The following CNTN5 variants were observed in gnomAD, a reference collection of about 807,000 sequenced individuals.
CNTN5 encodes contactin-5.
In CNTN5, 77 loss-of-function variants were observed where a neutral mutation model predicts 129.1. That is an observed-to-expected ratio of 0.60 (90% CI 0.50 to 0.72). CNTN5 has a LOEUF of 0.72. CNTN5 is among the 30% of genes least tolerant of loss of function. The pLI, the probability that CNTN5 is intolerant of heterozygous loss-of-function variation, is 0.00. For synonymous variants in CNTN5, 509 were observed against 465.6 expected, an observed-to-expected ratio of 1.09 and a Z score of -1.20; for missense variants, 1,478 against 1,328.8, an observed-to-expected ratio of 1.11 and a Z score of -1.75.
chr11:100,348,444 C>T (rs1316005520), intron 23 of CNTN5, among the ~76,000 whole-genome samples: 3 of 151,920 alleles, frequency 2.0e-5, no homozygotes, highest in Admixed American at 6.6e-5. Flanking sequence ...ATTTTTTCCC[C>T]GTCTTTACCT....
chr11:99,496,268 A>G (rs1946221352), intron 2 of CNTN5, among the ~76,000 whole-genome samples: 1 of 152,052 alleles, frequency 6.6e-6, no homozygotes, highest in African/African-American at 2.4e-5. Flanking sequence ...ACCCATGAAA[A>G]ATGATTTATT....
intron 2 of CNTN5, among the ~76,000 whole-genome samples, chr11:99,504,986 T>C (rs566189033): frequency 1.3e-5 from 2 of 152,246 alleles, no homozygotes; most frequent in East Asian, 3.9e-4. Flanking sequence ...CTTTGAATAT[T>C]TTGCAGCCAC....
rs141288502 is a variant in CNTN5, at chr11:99,267,920, GCACACACACA to G, written c.-209-57397_-209-57388del. Among the ~76,000 whole-genome samples the G allele has an allele frequency of 1.6e-3, 221 of 140,540 alleles. 2 individuals are homozygous for G. The highest frequency in any genetic ancestry group is 4.7e-3 in the African/African-American group (184 of 38,922). 92.2% of individuals were successfully genotyped at this position (140,540 alleles called of 152,430 possible). On this transcript the variant is annotated intron_variant, in intron 1 of 24. Transcript: ENST00000524871. ...CTATCAAGTAAACACACACACACACGCACACACACACACACACACACACACACACACACAC... is the reference window on the plus strand; with the variant it reads ...CTATCAAGTAAACACACACACACACGCACACACACACACACACACACACAC...
chr11:99,640,734 A>G (rs688426), intron 3 of CNTN5, among the ~76,000 whole-genome samples: 91,465 of 152,110 alleles, frequency 0.6, 28,338 homozygotes, highest in Admixed American at 0.69. Flanking sequence ...CCTATAGTCT[A>G]AGTATGTAGT....
At chr11:99,814,825 G>A (rs1362252737) in intron 3 of CNTN5, among the ~76,000 whole-genome samples, 1 of 152,082 alleles carries the variant, frequency 6.6e-6, no homozygotes, top group African/African-American at 2.4e-5. Context: ...TCTCCAAACT[G>A]AGTGATTATA....
At position 100,327,702 on chromosome 11, in the gene CNTN5, G is replaced by A. The variant is rs559457361; in HGVS notation, c.2731-12761G>A. ...ATTCTCAGTTGGCCCTAGGCACAGT[G>A]TTTGGTAAATAACACTGAGTCAAAA... On this transcript the variant is annotated intron_variant, in intron 21 of 24. Coordinates refer to ENST00000524871, the MANE Select transcript of CNTN5 (RefSeq NM_014361.4). Among the ~76,000 whole-genome samples, 3 of 152,272 alleles carry A rather than the reference G, an allele frequency of 2.0e-5. No individual in the cohort carries two copies. The South Asian group carries it at 6.2e-4, about 32-fold the overall frequency.
Position 100,193,905 on chromosome 11 carries a change from CTTTG to C in CNTN5, c.1884+246_1884+249del, listed in dbSNP as rs529972795. Among the ~76,000 whole-genome samples, 202 of 151,878 alleles carry C rather than the reference CTTTG, an allele frequency of 1.3e-3. 1 individual carries two copies. Among genetic ancestry groups the C allele is most frequent in the African/African-American group, 4.5e-3 (186 of 41,514 alleles). On this transcript the variant is annotated intron_variant, in intron 15 of 24. Transcript: ENST00000524871. ...TATTTAAATCTGGTTTCTTTGCCAC[CTTTG>C]TTTAATATTTACACAATACTTCTCA...
chr11:99,625,063 G>C (rs1174989155), intron 3 of CNTN5, among the ~76,000 whole-genome samples: 1 of 152,118 alleles, frequency 6.6e-6, no homozygotes, highest in Non-Finnish European at 1.5e-5. Flanking sequence ...TTGGACACAT[G>C]GCAGAAGAGT....
At chr11:99,815,153 A>G (rs1180554643) in intron 3 of CNTN5, among the ~76,000 whole-genome samples, 2 of 151,372 alleles carry the variant, frequency 1.3e-5, no homozygotes, top group African/African-American at 4.8e-5. Context: ...ACAAAGTCTA[A>G]CCATATTAAA....
At chr11:99,703,321 A>G (rs1954608551) in intron 3 of CNTN5, among the ~76,000 whole-genome samples, 2 of 148,968 alleles carry the variant, frequency 1.3e-5, no homozygotes, top group Admixed American at 1.3e-4. Flanking sequence ...AATTATCTAG[A>G]GGTTGAGTTT....
intron 13 of CNTN5, among the ~76,000 whole-genome samples, chr11:100,074,746 G>T (rs1944058561): frequency 6.6e-6 from 1 of 152,050 alleles, no homozygotes; most frequent in Admixed American, 6.6e-5. Flanking sequence ...TTTTATCCAG[G>T]TCATATTTAG....
intron 24 of CNTN5, among the ~76,000 whole-genome samples, chr11:100,354,749 T>C: frequency 6.6e-6 from 1 of 151,688 alleles, no homozygotes; most frequent in East Asian, 1.9e-4. Flanking sequence ...AGCCTATTGC[T>C]CCTAGGCTGT....
At position 99,030,627 on chromosome 11, in the gene CNTN5, T is replaced by A. The variant is rs12277205; in HGVS notation, c.-210+9357T>A. ...CACATAATGTCTTTTGAATCCTGTG[T>A]GATAACAAAATAGTACAGAATACAT... On this transcript the variant is annotated intron_variant, in intron 1 of 24. Coordinates refer to ENST00000524871, the MANE Select transcript of CNTN5 (RefSeq NM_014361.4). Among the ~76,000 whole-genome samples, 1,289 of 152,268 alleles carry A rather than the reference T, an allele frequency of 8.5e-3. 19 individuals are homozygous for A. The highest frequency in any genetic ancestry group is 0.029 in the African/African-American group (1,222 of 41,552).
Position 99,580,635 on chromosome 11 carries a change from T to G in CNTN5, c.55+24366T>G, listed in dbSNP as rs557082554. Among the ~76,000 whole-genome samples the G allele has an allele frequency of 9.8e-5, 15 of 152,342 alleles. No homozygotes were observed. The South Asian group carries it at 2.7e-3, about 27-fold the overall frequency. ...ATTTGCGTAGACGTGTTTATAGTAT[T>G]CTCTGATGGTAGTTTGTAGTTCTGT... On this transcript the variant is annotated intron_variant, in intron 3 of 24. Transcript: ENST00000524871.
At chr11:100,084,735 C>A (rs1555002397) in intron 13 of CNTN5, among the ~76,000 whole-genome samples, 1 of 151,994 alleles carries the variant, frequency 6.6e-6, no homozygotes, top group Non-Finnish European at 1.5e-5. Flanking sequence ...AATACCTATA[C>A]ATTTTAAGAT....
chr11:99,714,195 C>T (rs374760035), intron 3 of CNTN5, among the ~76,000 whole-genome samples: 1 of 151,792 alleles, frequency 6.6e-6, no homozygotes, highest in South Asian at 2.1e-4. Context: ...ATTTCATTAA[C>T]ATTTATAGAA....
At chr11:99,655,417 C>A (rs1408298220) in intron 3 of CNTN5, among the ~76,000 whole-genome samples, 1 of 152,034 alleles carries the variant, frequency 6.6e-6, no homozygotes, top group Non-Finnish European at 1.5e-5. Context: ...GAGGACAATT[C>A]CAGTTCTATA....
rs189494333 is a variant in CNTN5 at position 99,217,946 on chromosome 11, G to A, written c.-209-107400G>A. On this transcript the variant is annotated intron_variant, in intron 1 of 24. Coordinates refer to ENST00000524871, the MANE Select transcript of CNTN5 (RefSeq NM_014361.4). ...GCATAATTAACATGCTAAGATAAAC[G>A]TTAGCTTAAAATAAAAACAAAGAAG... Among the ~76,000 whole-genome samples the A allele has an allele frequency of 9.9e-4, 150 of 152,068 alleles. 1 individual carries two copies. Among genetic ancestry groups the A allele is most frequent in the Non-Finnish European group, 1.9e-3 (128 of 67,958 alleles).
At chr11:99,574,698 A>G (rs913111159) in intron 3 of CNTN5, among the ~76,000 whole-genome samples, 2 of 152,062 alleles carry the variant, frequency 1.3e-5, no homozygotes, top group Admixed American at 1.3e-4. Flanking sequence ...TTGGCCACAT[A>G]AATGCCTTTC....
Sources: allele counts gnomAD v4.1 joint callset (sites outside exome capture counted in the v4.1 genomes callset), GRCh38; gene constraint gnomAD v4.1.1; transcripts MANE v1.5; gene names NCBI Gene and HGNC (gene_info 2026-07-23, HGNC 2026-07-21).